Variants in B3GALT1 observed in about 807,000 individuals in gnomAD.
The protein encoded by B3GALT1 is UDP-Gal:betaGlcNAc beta 1,3-galactosyltransferase, polypeptide 1.
A neutral mutation model predicts 23.2 loss-of-function variants in B3GALT1; 10 were observed. The ratio of observed to expected loss-of-function variants is 0.43; its 90% confidence interval spans 0.27 to 0.73. The LOEUF is 0.73. Among genes scored for constraint, B3GALT1 ranks in the 30% least tolerant of loss-of-function variants. B3GALT1 has a pLI of 0.21. For missense variants in B3GALT1, 299 were observed against 405.4 expected (o/e 0.74, Z 2.25); for synonymous variants, 156 against 141.5 (o/e 1.10, Z -0.73).
chr2:167,533,100 A>C (rs1248742193), intron 2 of B3GALT1, among the ~76,000 whole-genome samples: 1 of 151,324 alleles, frequency 6.6e-6, no homozygotes, highest in Non-Finnish European at 1.5e-5. Context: ...ACATCAGGTG[A>C]TCTGCCTGCC....
At chr2:167,806,923 C>T (rs1463691576) in intron 3 of B3GALT1, among the ~76,000 whole-genome samples, 10 of 152,094 alleles carry the variant, frequency 6.6e-5, no homozygotes, top group African/African-American at 1.9e-4. Context: ...TGGTAGAATT[C>T]GGCTGTGAAT....
At chr2:167,474,557 C>G (rs762166957) in intron 1 of B3GALT1, among the ~76,000 whole-genome samples, 3 of 152,054 alleles carry the variant, frequency 2.0e-5, no homozygotes, top group Non-Finnish European at 4.4e-5. Flanking sequence ...CCCTTGGGCT[C>G]ATTTCACGTG....
intron 1 of B3GALT1, among the ~76,000 whole-genome samples, chr2:167,380,444 A>G (rs1260190992): frequency 6.6e-6 from 1 of 152,082 alleles, no homozygotes; most frequent in Non-Finnish European, 1.5e-5. Context: ...TGGGGGAGAA[A>G]ACAATTCTAG....
At chr2:167,715,244 A>G (rs1403876854) in intron 3 of B3GALT1, 7 of 1,613,852 alleles carry the variant, frequency 4.3e-6, no homozygotes, top group East Asian at 2.2e-5. Flanking sequence ...CTGATCTTTC[A>G]TCATTGGCAA....
At chr2:167,448,455 G>A (rs1699037476) in intron 1 of B3GALT1, among the ~76,000 whole-genome samples, 1 of 151,722 alleles carries the variant, frequency 6.6e-6, no homozygotes, top group Admixed American at 6.6e-5. Context: ...ATTTTTGATG[G>A]GATTGTTGGT....
intron 1 of B3GALT1, among the ~76,000 whole-genome samples, chr2:167,366,722 A>C (rs1047342284): frequency 2.0e-5 from 3 of 152,200 alleles, no homozygotes; most frequent in African/African-American, 7.2e-5. Context: ...AGCTAGCTCA[A>C]CTCAGCCGAG....
intron 3 of B3GALT1, among the ~76,000 whole-genome samples, chr2:167,811,405 G>A (rs1038283449): frequency 3.9e-5 from 6 of 152,172 alleles, no homozygotes; most frequent in Non-Finnish European, 5.9e-5. Flanking sequence ...TCTTTTGAAG[G>A]TCTACTAAGG....
chr2:167,469,385 A>ACATTG (rs1487359848), intron 1 of B3GALT1, among the ~76,000 whole-genome samples: 20 of 152,216 alleles, frequency 1.3e-4, no homozygotes, highest in African/African-American at 3.9e-4. Flanking sequence ...AGTGCCTGAC[A>ACATTG]CATAAGTGGT....
chr2:167,487,849 G>A (rs928891845), intron 1 of B3GALT1, among the ~76,000 whole-genome samples: 1 of 152,100 alleles, frequency 6.6e-6, no homozygotes, highest in South Asian at 2.1e-4. Flanking sequence ...TGGATTTATC[G>A]TGAGTATGCA....
chr2:167,572,001 C>A (rs1574146141), intron 2 of B3GALT1, among the ~76,000 whole-genome samples: 1 of 151,568 alleles, frequency 6.6e-6, no homozygotes, highest in Non-Finnish European at 1.5e-5. Context: ...AGAACCAGAA[C>A]CATCAAGAAA....
intron 1 of B3GALT1, among the ~76,000 whole-genome samples, chr2:167,402,431 T>C (rs1698207255): frequency 6.6e-6 from 1 of 152,146 alleles, no homozygotes; most frequent in Non-Finnish European, 1.5e-5. Flanking sequence ...TAGTAAATTC[T>C]GAAAAACTAC....
At chr2:167,866,305 C>G (rs900395666) in intron 4 of B3GALT1, among the ~76,000 whole-genome samples, 35 of 152,300 alleles carry the variant, frequency 2.3e-4, no homozygotes, top group African/African-American at 8.4e-4. Flanking sequence ...ACATTCTGCC[C>G]AGCATTCTTC....
intron 1 of B3GALT1, among the ~76,000 whole-genome samples, chr2:167,418,716 C>T (rs192816965): frequency 2.7e-5 from 4 of 146,328 alleles, no homozygotes; most frequent in African/African-American, 5.1e-5. Flanking sequence ...TTACTCTTGT[C>T]GCCCAGGCTG....
At chr2:167,485,254 A>C (rs1324680405) in intron 1 of B3GALT1, among the ~76,000 whole-genome samples, 3 of 152,182 alleles carry the variant, frequency 2.0e-5, no homozygotes, top group African/African-American at 7.2e-5. Flanking sequence ...TTTATGGGTG[A>C]GAAAATTCTG....
intron 2 of B3GALT1, among the ~76,000 whole-genome samples, chr2:167,573,624 G>T (rs543135717): frequency 1.3e-5 from 2 of 151,828 alleles, no homozygotes; most frequent in East Asian, 3.9e-4. Context: ...TGTAATTGCT[G>T]TAATTATGTA....
At chr2:167,475,473 T>A (rs1206674282) in intron 1 of B3GALT1, among the ~76,000 whole-genome samples, 1 of 151,020 alleles carries the variant, frequency 6.6e-6, no homozygotes, top group African/African-American at 2.4e-5. Flanking sequence ...GAGAAGAAAT[T>A]TTTTTTTTTG....
At chr2:167,390,254 A>T (rs1486855083) in intron 1 of B3GALT1, among the ~76,000 whole-genome samples, 1 of 152,204 alleles carries the variant, frequency 6.6e-6, no homozygotes, top group African/African-American at 2.4e-5. Context: ...GCAAGAGCTG[A>T]TAGAGTTGCT....
chr2:167,457,414 C>A (rs1173540876), intron 1 of B3GALT1, among the ~76,000 whole-genome samples: 1 of 151,884 alleles, frequency 6.6e-6, no homozygotes, highest in Non-Finnish European at 1.5e-5. Flanking sequence ...CTCAGGTGAT[C>A]CACCCGCCTT....
intron 3 of B3GALT1, among the ~76,000 whole-genome samples, chr2:167,662,056 A>G (rs1191183069): frequency 2.9e-5 from 4 of 140,134 alleles, no homozygotes; most frequent in Non-Finnish European, 4.8e-5. Context: ...TTGATCCTGT[A>G]TATGTTTTCA....
Sources: gnomAD v4.1 joint callset for allele counts (sites outside exome capture counted in the v4.1 genomes callset) on GRCh38, gnomAD v4.1.1 for gene constraint, MANE v1.5 for transcripts, NCBI Gene and HGNC (gene_info 2026-07-23, HGNC 2026-07-21) for gene names.